The following TTC7A variants were observed in gnomAD, a reference collection of about 807,000 sequenced individuals.
The protein encoded by TTC7A is tetratricopeptide repeat protein 7A.
TTC7A carries 110 observed loss-of-function variants against 103.7 expected under a neutral mutation model. That is an observed-to-expected ratio of 1.06 (90% CI 0.91 to 1.24). TTC7A has a LOEUF of 1.24. Among genes scored for constraint, TTC7A ranks in the 50% most tolerant of loss-of-function variants. The probability of loss-of-function intolerance (pLI) is 0.00; values close to 1 mark genes in which losing one functional copy is unlikely to be tolerated. For synonymous variants in TTC7A, 521 were observed against 467.9 expected (o/e 1.11, Z -1.47); for missense variants, 1,340 against 1,116.3 (o/e 1.20, Z -2.86).
intron 15 of TTC7A, among the ~76,000 whole-genome samples, chr2:47,042,088 A>G (rs1681814730): frequency 6.6e-6 from 1 of 152,092 alleles, no homozygotes; most frequent in Non-Finnish European, 1.5e-5. Context: ...GGTGACAGAG[A>G]GGAGATGATG....
chr2:47,031,673 G>T (rs1238232005), intron 15 of TTC7A, among the ~76,000 whole-genome samples: 1 of 152,248 alleles, frequency 6.6e-6, no homozygotes, highest in Non-Finnish European at 1.5e-5. Context: ...AGCCAAGGAA[G>T]GTGATTTGTA....
In TTC7A at chr2:47,024,688, G is replaced by C. The variant is rs574703686; in HGVS notation, c.1641+329G>C. 7.2e-5 allele frequency among the ~76,000 whole-genome samples: 11 copies of C among 152,212 alleles called. No individual in the cohort carries two copies. In the South Asian group the frequency reaches 2.3e-3, roughly 32 times the overall value. On this transcript the variant is annotated intron_variant, in intron 14 of 19. Transcript: ENST00000319190. ...TCGCCTTCCACTGGCTTTTCCCCAA[G>C]GGTCTTGGGGATGGAGTGATGGGCA...
At chr2:47,025,747 T>G (rs754756018) in intron 14 of TTC7A, among the ~76,000 whole-genome samples, 7 of 152,042 alleles carry the variant, frequency 4.6e-5, no homozygotes, top group Non-Finnish European at 1.0e-4. Flanking sequence ...TCCCTTCCTC[T>G]TGCACTGCCC....
At chr2:46,957,051 C>T (rs776529825) in intron 3 of TTC7A, 44 bp downstream of exon 3, 1 of 1,610,676 alleles carries the variant, frequency 6.2e-7, no homozygotes, top group South Asian at 1.1e-5. Context: ...CTGTGTGCAG[C>T]TCGTTGCACT....
chr2:46,965,452 G>A (rs1477318275), intron 3 of TTC7A, among the ~76,000 whole-genome samples: 1 of 152,186 alleles, frequency 6.6e-6, no homozygotes, highest in Non-Finnish European at 1.5e-5. Context: ...GATGGAGAAG[G>A]AGGAGCAGGC....
intron 19 of TTC7A, chr2:47,071,025 G>C (rs191894563): frequency 6.6e-6 from 1 of 152,398 alleles, no homozygotes; most frequent in Non-Finnish European, 1.5e-5. Flanking sequence ...TGAGATGTCA[G>C]TTCTTGTTCC....
rs1260102395 is a variant in TTC7A at position 47,007,130 on chromosome 2, A to G, written c.1287+406A>G. On this transcript the variant is annotated intron_variant, in intron 10 of 19. Transcript: ENST00000319190. This position sits in a 1 kb window ranked among gnomAD's most constrained non-coding sequence, Gnocchi z 4.9. The stretch of plus-strand genomic sequence containing the variant: ...GCATCAGGAAATGGCCTGCTTGTGG[A>G]CTGGAGACTTGCCTCGGAGGGGAAG... 6.6e-6 allele frequency among the ~76,000 whole-genome samples: 1 copy of G among 152,028 alleles called. No homozygotes were observed. The highest frequency in any genetic ancestry group is 1.5e-5 in the Non-Finnish European group (1 of 68,000).
intron 18 of TTC7A, among the ~76,000 whole-genome samples, chr2:47,056,562 G>A (rs955978566): frequency 2.0e-5 from 3 of 152,244 alleles, no homozygotes; most frequent in African/African-American, 7.2e-5. Context: ...CCTGCCCGGG[G>A]TGGGAGAGCC....
chr2:46,999,056 C>T (rs1410751741), intron 8 of TTC7A, among the ~76,000 whole-genome samples: 3 of 152,082 alleles, frequency 2.0e-5, no homozygotes, highest in Non-Finnish European at 4.4e-5. Flanking sequence ...CCCACTTTAC[C>T]ATTTATCCTT....
intron 5 of TTC7A, among the ~76,000 whole-genome samples, chr2:46,979,244 C>T (rs1317004187): frequency 6.6e-6 from 1 of 152,074 alleles, no homozygotes; most frequent in Non-Finnish European, 1.5e-5. Flanking sequence ...GTGAGCTGGC[C>T]AGTGGGTCTG....
At chr2:47,027,229 G>A (rs1276624266) in intron 14 of TTC7A, among the ~76,000 whole-genome samples, 1 of 152,214 alleles carries the variant, frequency 6.6e-6, no homozygotes, top group Non-Finnish European at 1.5e-5. Flanking sequence ...GGCCAGGTTG[G>A]AGGTGCTAGG....
chr2:46,991,053 C>T (rs1273256742), intron 5 of TTC7A, among the ~76,000 whole-genome samples: 1 of 152,166 alleles, frequency 6.6e-6, no homozygotes, highest in East Asian at 1.9e-4. Flanking sequence ...GCTGGGACTA[C>T]AGGCACGGGC....
chr2:46,965,899 C>A (rs1205078237), intron 3 of TTC7A, among the ~76,000 whole-genome samples: 1 of 151,922 alleles, frequency 6.6e-6, no homozygotes, highest in Non-Finnish European at 1.5e-5. Context: ...AAGGGTTAAA[C>A]CCTTACCTAA....
intron 6 of TTC7A, 36 bp downstream of exon 6, chr2:46,993,564 G>C (rs1558549668): frequency 1.2e-6 from 2 of 1,601,382 alleles, no homozygotes; most frequent in Non-Finnish European, 1.7e-6. Flanking sequence ...GCTTATTTAG[G>C]AGTCAGCTTT....
rs79928008 is a variant in TTC7A, at chr2:46,917,709, C to T, written c.82+432C>T. On this transcript the variant is annotated intron_variant, in intron 2 of 20. Transcript: ENST00000409245. The stretch of plus-strand genomic sequence containing the variant: ...AACATATAAACTTGCTGTATTTTCT[C>T]CCCCACCATACCACTGAAACTGCAA... Among the ~76,000 whole-genome samples, 634 of 152,298 alleles carry T rather than the reference C, an allele frequency of 4.2e-3. 3 individuals are homozygous for T. The highest frequency in any genetic ancestry group is 7.2e-3 in the Non-Finnish European group (492 of 68,020).
intron 8 of TTC7A, among the ~76,000 whole-genome samples, chr2:47,002,283 G>T (rs533339987): frequency 6.6e-6 from 1 of 152,350 alleles, no homozygotes; most frequent in South Asian, 2.1e-4. Flanking sequence ...TGGGGTGGGT[G>T]TGGGGGTTAT....
At chr2:47,020,895 G>C (rs1464948839) in intron 11 of TTC7A, among the ~76,000 whole-genome samples, 1 of 152,226 alleles carries the variant, frequency 6.6e-6, no homozygotes, top group Non-Finnish European at 1.5e-5. Flanking sequence ...GGCAGCACTG[G>C]CTTTGGGGCT....
chr2:46,928,152 A>G (rs1048842643), intron 2 of TTC7A, among the ~76,000 whole-genome samples: 54 of 151,942 alleles, frequency 3.6e-4, no homozygotes, highest in African/African-American at 1.2e-3. Context: ...TTAACCTCCC[A>G]AAGTGCCGGG....
At chr2:46,982,859 C>T (rs1257711343) in intron 5 of TTC7A, among the ~76,000 whole-genome samples, 2 of 151,734 alleles carry the variant, frequency 1.3e-5, no homozygotes, top group African/African-American at 4.8e-5. Flanking sequence ...CCTAGCTGCT[C>T]GGGAGGCTGA....
Sources: gnomAD v4.1 joint callset for allele counts (sites outside exome capture counted in the v4.1 genomes callset) on GRCh38, gnomAD v4.1.1 for gene constraint, Gnocchi (gnomAD v3.1) non-coding constraint, MANE v1.5 for transcripts, NCBI Gene and HGNC (gene_info 2026-07-23, HGNC 2026-07-21) for gene names.